Variants in ARID1B observed in about 807,000 individuals in gnomAD.
ARID1B encodes AT-rich interaction domain 1B, also known as AT-rich interactive domain-containing protein 1B.
In ARID1B, 30 loss-of-function variants were observed where a neutral mutation model predicts 212.3. That is an observed-to-expected ratio of 0.14 (90% CI 0.11 to 0.19). The LOEUF (loss-of-function observed/expected upper bound fraction) is 0.19. Among genes scored for constraint, ARID1B ranks in the 10% least tolerant of loss-of-function variants. The pLI is 1.00. For missense variants in ARID1B, 2,891 were observed against 3,204.0 expected, an observed-to-expected ratio of 0.90 and a Z score of 2.36; for synonymous variants, 1,402 against 1,301.7, an observed-to-expected ratio of 1.08 and a Z score of -1.66.
At chr6:157,085,047 C>T (rs574035578) in intron 5 of ARID1B, 142 bp downstream of exon 5, 176 of 1,068,200 alleles carry the variant, frequency 1.6e-4, no homozygotes, top group Non-Finnish European at 2.1e-4. Context: ...CCAAGGCATA[C>T]GAGAGTCCCA....
chr6:157,012,445 T>G (rs575387214), intron 4 of ARID1B, among the ~76,000 whole-genome samples: 68 of 152,312 alleles, frequency 4.5e-4, no homozygotes, highest in African/African-American at 1.6e-3. Flanking sequence ...CAAAGTCACT[T>G]AGATTGAGAA....
chr6:156,957,344 C>T (rs1794045119), intron 4 of ARID1B, among the ~76,000 whole-genome samples: 1 of 152,162 alleles, frequency 6.6e-6, no homozygotes, highest in African/African-American at 2.4e-5. Context: ...CTCTTGTGGA[C>T]ATCCCCACTT....
At chr6:156,835,848 C>T (rs1355566187) in intron 2 of ARID1B, among the ~76,000 whole-genome samples, 1 of 152,002 alleles carries the variant, frequency 6.6e-6, no homozygotes, top group Admixed American at 6.6e-5. Flanking sequence ...CTCAAACAAT[C>T]CTCCCACCTC....
intron 5 of ARID1B, among the ~76,000 whole-genome samples, chr6:157,100,803 A>G (rs538895439): frequency 6.6e-6 from 1 of 152,354 alleles, no homozygotes; most frequent in Admixed American, 6.5e-5. Context: ...CAACCAACCA[A>G]TGCTGTCTCT....
At chr6:156,850,876 G>C (rs1295172597) in intron 2 of ARID1B, among the ~76,000 whole-genome samples, 1 of 152,156 alleles carries the variant, frequency 6.6e-6, no homozygotes, top group Non-Finnish European at 1.5e-5. Flanking sequence ...TTACTGTAAA[G>C]TGTCCAGATA....
At chr6:156,869,501 A>G (rs1414749576) in intron 2 of ARID1B, among the ~76,000 whole-genome samples, 1 of 152,254 alleles carries the variant, frequency 6.6e-6, no homozygotes, top group Admixed American at 6.5e-5. Flanking sequence ...TAATGAGCTT[A>G]TAAGTTGTTA....
At chr6:156,965,582 A>G (rs540247191) in intron 4 of ARID1B, among the ~76,000 whole-genome samples, 2 of 152,382 alleles carry the variant, frequency 1.3e-5, no homozygotes, top group South Asian at 2.1e-4. Flanking sequence ...TTAAGTTTCA[A>G]ATAAAAACCT....
intron 1 of ARID1B, among the ~76,000 whole-genome samples, chr6:156,813,261 G>A (rs1781739369): frequency 1.4e-5 from 2 of 147,998 alleles, no homozygotes; most frequent in East Asian, 2.0e-4. Context: ...ATGCTGCCAC[G>A]CCCTGCTAAT....
chr6:156,992,453 T>G (rs1778325489), intron 4 of ARID1B, among the ~76,000 whole-genome samples: 1 of 152,218 alleles, frequency 6.6e-6, no homozygotes, highest in Non-Finnish European at 1.5e-5. Context: ...AGATGGTTAA[T>G]TTGTTTTTAG....
At chr6:156,994,057 G>A (rs1282149197) in intron 4 of ARID1B, among the ~76,000 whole-genome samples, 1 of 152,192 alleles carries the variant, frequency 6.6e-6, no homozygotes, top group Admixed American at 6.5e-5. Flanking sequence ...AAATTGAGAT[G>A]CACATTTTTA....
chr6:156,817,473 A>T (rs1222800772), intron 1 of ARID1B, among the ~76,000 whole-genome samples: 1 of 151,692 alleles, frequency 6.6e-6, no homozygotes, highest in African/African-American at 2.4e-5. Flanking sequence ...CCATCTCTAT[A>T]AAAAAAATTA....
At chr6:157,021,906 C>T (rs1030577862) in intron 4 of ARID1B, among the ~76,000 whole-genome samples, 2 of 152,208 alleles carry the variant, frequency 1.3e-5, no homozygotes, top group Non-Finnish European at 2.9e-5. Flanking sequence ...TCGCCGCGCG[C>T]CCCTAACCTC....
chr6:156,979,378 T>C (rs552588068), intron 4 of ARID1B, among the ~76,000 whole-genome samples: 1 of 152,288 alleles, frequency 6.6e-6, no homozygotes, highest in South Asian at 2.1e-4. Context: ...TATCCTGCCA[T>C]GGGGAGAAAT....
rs1156310939 is a variant in ARID1B, at chr6:156,778,774, C to T, written c.1094C>T (p.Pro365Leu). 1 of 1,515,504 alleles carries T rather than the reference C, an allele frequency of 6.6e-7. No individual in the cohort carries two copies. The highest frequency in any genetic ancestry group is 1.4e-5 in the African/African-American group (1 of 69,502). 93.9% of individuals were successfully genotyped at this position (1,515,504 alleles called of 1,614,324 possible). A position where few individuals can be genotyped will look rare whatever the true frequency, so the allele number is the denominator to read the frequency against. ...GCCGGGGCCCCCGGCAGCATGGACC[C>T]CCTGCAGAACTCCCACGAAGGGTAC... ...AAAGAPGSMD[P>L]LQNSHEGYPN... The change falls in exon 1 of 20, where the codon CCC becomes CTC. Residue 365 changes from proline (P) to leucine (L), a missense_variant. Physicochemically the swap from Pro to Leu is moderately conservative, Grantham distance 98 (BLOSUM62 -3). Transcript: ENST00000636930.
At chr6:157,189,132 T>C (rs1196905441) in intron 13 of ARID1B, among the ~76,000 whole-genome samples, 1 of 152,272 alleles carries the variant, frequency 6.6e-6, no homozygotes, top group East Asian at 1.9e-4. Flanking sequence ...ATTTGTGTCC[T>C]TGCTTTTCAT....
chr6:156,826,442 A>G (rs1471311957), intron 1 of ARID1B, among the ~76,000 whole-genome samples: 1 of 152,248 alleles, frequency 6.6e-6, no homozygotes, highest in Non-Finnish European at 1.5e-5. Context: ...CAGGACATGG[A>G]GGCTCGTTCA....
At chr6:157,154,620 G>T (rs1476591192) in intron 8 of ARID1B, among the ~76,000 whole-genome samples, 1 of 132,082 alleles carries the variant, frequency 7.6e-6, no homozygotes, top group Middle Eastern at 4.3e-3. Context: ...TCACTCTGTC[G>T]CCAGGCTGGA....
intron 5 of ARID1B, among the ~76,000 whole-genome samples, chr6:157,093,117 C>G (rs1363743189): frequency 6.6e-6 from 1 of 152,120 alleles, no homozygotes; most frequent in Non-Finnish European, 1.5e-5. Context: ...TGGAGGGGTA[C>G]AAAAGCTTTT....
chr6:156,777,839 A>C lies in ARID1B; in HGVS notation c.159A>C (p.Ala53=). 1 of 1,186,538 alleles carries C rather than the reference A, an allele frequency of 8.4e-7. No individual in the cohort carries two copies. The highest frequency in any genetic ancestry group is 1.0e-6 in the Non-Finnish European group (1 of 957,516). 73.5% of individuals were successfully genotyped at this position (1,186,538 alleles called of 1,614,324 possible). ...GCGGCGCGGCGGCGGCGGCGGCGGC[A>C]CCGGGACCCATGCTGGGGGGCGGCG... ...GARGAAAAAA[A]PGPMLGGGGD... is the part of the protein sequence containing the mutation. Residue 53 remains alanine (A), a synonymous_variant, in exon 1 of 20, where the codon GCA becomes GCC. Transcript: ENST00000636930.
Sources: gnomAD v4.1 joint callset for allele counts (sites outside exome capture counted in the v4.1 genomes callset) on GRCh38, gnomAD v4.1.1 for gene constraint, MANE v1.5 for transcripts, NCBI Gene and HGNC (gene_info 2026-07-23, HGNC 2026-07-21) for gene names.